The following FBLN7 variants were observed in gnomAD, a reference collection of about 807,000 sequenced individuals.
The protein encoded by FBLN7 is fibulin 7, also known as fibulin-7.
A neutral mutation model predicts 44.0 loss-of-function variants in FBLN7; 31 were observed. The observed-to-expected ratio is 0.70, with a 90% CI of 0.53 to 0.95. The LOEUF is 0.95. Among genes scored for constraint, FBLN7 ranks in the 40% least tolerant of loss-of-function variants. FBLN7 has a pLI of 0.00. For missense variants in FBLN7, 573 were observed against 618.5 expected, an observed-to-expected ratio of 0.93 and a Z score of 0.78; for synonymous variants, 262 against 253.4, an observed-to-expected ratio of 1.03 and a Z score of -0.32.
At chr2:112,200,001 A>G in the FBLN7 span, among the ~76,000 whole-genome samples, 19 of 152,200 alleles carry the variant, frequency 1.2e-4, no homozygotes, top group Non-Finnish European at 2.4e-4. Flanking sequence ...CATTTTCTTT[A>G]TAAGTTACCC....
At chr2:112,183,363 T>C (rs1398281373) in intron 6 of FBLN7, among the ~76,000 whole-genome samples, 3 of 152,332 alleles carry the variant, frequency 2.0e-5, no homozygotes, top group Middle Eastern at 3.4e-3. Flanking sequence ...CAGGCACTTA[T>C]GTCTTAGTGA....
chr2:112,205,935 C>G, the FBLN7 span, among the ~76,000 whole-genome samples: 1 of 152,078 alleles, frequency 6.6e-6, no homozygotes, highest in African/African-American at 2.4e-5. Context: ...AATGTTGAGA[C>G]AGTGTAGAAT....
intron 2 of FBLN7, among the ~76,000 whole-genome samples, chr2:112,160,740 A>G (rs527708952): frequency 0.078 from 3,194 of 40,908 alleles, 54 homozygotes; most frequent in Middle Eastern, 0.19. Flanking sequence ...ACGCACACGC[A>G]CACACGCGCA....
the FBLN7 span, chr2:112,214,377 C>G: frequency 6.6e-6 from 1 of 152,144 alleles, no homozygotes; most frequent in Non-Finnish European, 1.5e-5. Context: ...TTCAATAGAG[C>G]CATGATAACC....
At chr2:112,188,739 A>ATGT (rs1261799335), downstream of FBLN7, 5 of 152,194 alleles carry the variant, frequency 3.3e-5, no homozygotes, top group Non-Finnish European at 7.3e-5. Context: ...ATCAAGCCCT[A>ATGT]CATCAAGATG....
the FBLN7 span, among the ~76,000 whole-genome samples, chr2:112,234,439 T>C: frequency 1.3e-5 from 2 of 152,354 alleles, no homozygotes; most frequent in East Asian, 3.8e-4. Flanking sequence ...TCATTGAATA[T>C]TAATGTTTGT....
chr2:112,189,913 G>A (rs926694580), downstream of FBLN7: 2 of 152,110 alleles, frequency 1.3e-5, no homozygotes, highest in African/African-American at 2.4e-5. Flanking sequence ...TTCAGCCATC[G>A]TTGACATTTC....
intron 1 of FBLN7, among the ~76,000 whole-genome samples, chr2:112,146,490 T>A (rs908117063): frequency 6.6e-6 from 1 of 152,138 alleles, no homozygotes; most frequent in Admixed American, 6.5e-5. Context: ...GTTTCTTTCA[T>A]CAGTATATAT....
intron 4 of FBLN7, among the ~76,000 whole-genome samples, chr2:112,179,681 T>G (rs578092021): frequency 6.6e-6 from 1 of 152,124 alleles, no homozygotes; most frequent in Admixed American, 6.5e-5. Context: ...AGCACAGAAA[T>G]AAGGCCACAC....
the FBLN7 span, among the ~76,000 whole-genome samples, chr2:112,202,390 C>T: frequency 0.12 from 18,495 of 151,268 alleles, 1,276 homozygotes; most frequent in South Asian, 0.15. Context: ...TTTATATATA[C>T]ACTTCTATTT....
intron 4 of FBLN7, among the ~76,000 whole-genome samples, chr2:112,181,415 G>A (rs192042080): frequency 2.6e-5 from 4 of 152,038 alleles, no homozygotes; most frequent in Non-Finnish European, 2.9e-5. Flanking sequence ...AGTGATCACC[G>A]TTAGAATTTT....
downstream of FBLN7, among the ~76,000 whole-genome samples, chr2:112,191,765 A>C (rs1044464220): frequency 6.6e-6 from 1 of 152,238 alleles, no homozygotes; most frequent in Non-Finnish European, 1.5e-5. Flanking sequence ...AACTAGAATC[A>C]GGATTTACTG....
At chr2:112,167,685 T>C (rs1039636181) in intron 3 of FBLN7, among the ~76,000 whole-genome samples, 1 of 152,184 alleles carries the variant, frequency 6.6e-6, no homozygotes, top group African/African-American at 2.4e-5. Context: ...CCCTAAGTAA[T>C]ACTGCTGTTA....
At chr2:112,234,253 A>C in the FBLN7 span, 1 of 1,513,130 alleles carries the variant, frequency 6.6e-7, no homozygotes, top group Non-Finnish European at 9.0e-7. Context: ...AAACAAAAAC[A>C]AAAAAACTAA....
the FBLN7 span, among the ~76,000 whole-genome samples, chr2:112,243,373 T>C: frequency 1.3e-5 from 2 of 152,206 alleles, no homozygotes; most frequent in Non-Finnish European, 2.9e-5. Context: ...GTTCCATAAA[T>C]GTCTTCCAGG....
At chr2:112,198,466 C>T in the FBLN7 span, among the ~76,000 whole-genome samples, 5 of 152,022 alleles carry the variant, frequency 3.3e-5, no homozygotes, top group African/African-American at 9.6e-5. Context: ...GTGAAACCCC[C>T]GTCTCTACTA....
rs1281608442 is a variant in FBLN7, at chr2:112,150,160, G to A, written c.76-9516G>A. On this transcript the variant is annotated intron_variant, in intron 1 of 7. Coordinates refer to ENST00000331203, the MANE Select transcript of FBLN7 (RefSeq NM_153214.3). ...GATTAGTTCCCTCTGGACCTTAGAT[G>A]GAAGGGGAGGGGGTTATGAGCTCTG... Among the ~76,000 whole-genome samples the A allele has an allele frequency of 5.9e-5, 9 of 152,210 alleles. No individual in the cohort carries two copies. The East Asian group carries it at 1.7e-3, about 29-fold the overall frequency.
the FBLN7 span, among the ~76,000 whole-genome samples, chr2:112,200,813 T>G: frequency 6.6e-6 from 1 of 152,154 alleles, no homozygotes; most frequent in African/African-American, 2.4e-5. Flanking sequence ...TTACAGGCGT[T>G]ACAGGTGTGA....
At chr2:112,159,993 A>AT (rs1286718633) in intron 2 of FBLN7, among the ~76,000 whole-genome samples, 158 bp downstream of exon 2, 31 of 144,730 alleles carry the variant, frequency 2.1e-4, no homozygotes, top group Middle Eastern at 7.1e-3. Flanking sequence ...TTATTTATTT[A>AT]TTTATTTATT....
Sources: gnomAD v4.1 joint callset for allele counts (sites outside exome capture counted in the v4.1 genomes callset) on GRCh38, gnomAD v4.1.1 for gene constraint, MANE v1.5 for transcripts, NCBI Gene and HGNC (gene_info 2026-07-23, HGNC 2026-07-21) for gene names.